Variants in CLASP1 observed in about 807,000 individuals in gnomAD.
The protein encoded by CLASP1 is cytoplasmic linker associated protein 1, also known as CLIP-associating protein 1.
A neutral mutation model predicts 192.3 loss-of-function variants in CLASP1; 38 were observed. That is an observed-to-expected ratio of 0.20 (90% CI 0.15 to 0.26). CLASP1 has a LOEUF of 0.26. Ranked by LOEUF, CLASP1 falls within the 10% of genes least tolerant of loss-of-function variation. CLASP1 has a pLI of 1.00. For synonymous variants in CLASP1, 691 were observed against 712.8 expected (o/e 0.97, Z 0.49); for missense variants, 1,433 against 1,932.5 (o/e 0.74, Z 4.85).
intron 7 of CLASP1, among the ~76,000 whole-genome samples, 194 bp downstream of exon 7, chr2:121,515,471 C>A (rs1253775590): frequency 2.0e-5 from 3 of 152,178 alleles, no homozygotes; most frequent in Non-Finnish European, 4.4e-5. Flanking sequence ...GAGAAACTCT[C>A]ATTTCTGAGG....
intron 1 of CLASP1, among the ~76,000 whole-genome samples, chr2:121,609,852 A>G (rs1194665602): frequency 6.6e-6 from 1 of 152,216 alleles, no homozygotes; most frequent in Non-Finnish European, 1.5e-5. Context: ...GAGGCAGGAG[A>G]ATCGCTTGAA....
At chr2:121,557,618 T>C (rs571313572) in intron 2 of CLASP1, among the ~76,000 whole-genome samples, 1 of 151,282 alleles carries the variant, frequency 6.6e-6, no homozygotes, top group East Asian at 2.0e-4. Context: ...CTATTAACAA[T>C]GGAGGGTGGA....
intron 19 of CLASP1, among the ~76,000 whole-genome samples, chr2:121,439,144 G>T (rs2082820836): frequency 6.6e-6 from 1 of 151,878 alleles, no homozygotes; most frequent in Non-Finnish European, 1.5e-5. Context: ...TTCTCTGATG[G>T]TAGTTTGTAT....
chr2:121,456,458 T>G (rs994944357), intron 14 of CLASP1, among the ~76,000 whole-genome samples: 2 of 137,738 alleles, frequency 1.5e-5, no homozygotes, highest in African/African-American at 2.8e-5. Context: ...CCAGCCTGGG[T>G]GAAAGAAAGA....
chr2:121,493,558 G>C (rs936119039), intron 8 of CLASP1, among the ~76,000 whole-genome samples: 3 of 152,058 alleles, frequency 2.0e-5, no homozygotes, highest in African/African-American at 7.2e-5. Flanking sequence ...AGAAAACATG[G>C]GGGAAACTCT....
chr2:121,430,162 C>T (rs1157573381), exon 20 of CLASP1: 1 of 1,569,034 alleles, frequency 6.4e-7, no homozygotes, highest in East Asian at 2.4e-5. Context: ...GCTTTGCCGT[C>T]TTGTGCGGAT....
At chr2:121,348,862 A>T (rs2149128870) in intron 37 of CLASP1, 144 bp from the exon 39 acceptor site, 2 of 757,832 alleles carry the variant, frequency 2.6e-6, no homozygotes, top group East Asian at 2.7e-5. Context: ...CAATTGTTAA[A>T]CACAGAGTGG....
At chr2:121,483,373 A>G (rs1183256613) in intron 8 of CLASP1, among the ~76,000 whole-genome samples, 3 of 152,202 alleles carry the variant, frequency 2.0e-5, no homozygotes, top group South Asian at 2.1e-4. Context: ...GAAGGAAAAA[A>G]TAAGTTCTTA....
chr2:121,386,574 A>T (rs750658261), intron 32 of CLASP1, among the ~76,000 whole-genome samples: 1 of 152,232 alleles, frequency 6.6e-6, no homozygotes, highest in Non-Finnish European at 1.5e-5. Context: ...CAGCTTCTAT[A>T]GGGCCAATAT....
intron 6 of CLASP1, among the ~76,000 whole-genome samples, chr2:121,520,045 T>C (rs2094423275): frequency 6.6e-6 from 1 of 152,200 alleles, no homozygotes. Flanking sequence ...GTCTTATATG[T>C]ATGCTTTACA....
chr2:121,620,507 G>A (rs1037147420), intron 1 of CLASP1, among the ~76,000 whole-genome samples: 13 of 151,890 alleles, frequency 8.6e-5, no homozygotes, highest in African/African-American at 2.9e-4. Context: ...GCGTCACCAC[G>A]CCCAGCTAAA....
intron 2 of CLASP1, among the ~76,000 whole-genome samples, chr2:121,594,431 T>C (rs988326631): frequency 2.0e-5 from 3 of 151,424 alleles, no homozygotes; most frequent in East Asian, 1.9e-4. Context: ...CTTGCTCTGT[T>C]GCCCAGGCTG....
intron 11 of CLASP1, among the ~76,000 whole-genome samples, chr2:121,460,780 T>C (rs1305380646): frequency 6.6e-6 from 1 of 152,104 alleles, no homozygotes; most frequent in Non-Finnish European, 1.5e-5. Context: ...ACACTAAAAA[T>C]GCCACAAAAA....
chr2:121,361,376 C>A (rs1165764172), intron 37 of CLASP1, among the ~76,000 whole-genome samples: 1 of 152,168 alleles, frequency 6.6e-6, no homozygotes, highest in East Asian at 1.9e-4. Flanking sequence ...TTTTTGATCA[C>A]GTATTCTCAT....
chr2:121,467,743 G>A (rs997457079), intron 9 of CLASP1, among the ~76,000 whole-genome samples: 5 of 152,168 alleles, frequency 3.3e-5, no homozygotes, highest in African/African-American at 1.2e-4. Context: ...CATTCTGTAG[G>A]TTGAGTGTTC....
At chr2:121,478,954 A>ACACAC (rs2092282092) in intron 8 of CLASP1, among the ~76,000 whole-genome samples, 1 of 29,284 alleles carries the variant, frequency 3.4e-5, no homozygotes, top group African/African-American at 1.4e-4. Context: ...CACACACCAC[A>ACACAC]CACACACACC....
At chr2:121,504,626 C>A (rs1383547991) in intron 7 of CLASP1, among the ~76,000 whole-genome samples, 2 of 152,136 alleles carry the variant, frequency 1.3e-5, no homozygotes, top group Non-Finnish European at 2.9e-5. Flanking sequence ...ACTTGAGTGC[C>A]CATTATGTGC....
intron 19 of CLASP1, among the ~76,000 whole-genome samples, chr2:121,441,072 A>T (rs2083254134): frequency 6.6e-6 from 1 of 152,112 alleles, no homozygotes; most frequent in Non-Finnish European, 1.5e-5. Flanking sequence ...AAGACTCCAA[A>T]CCAGGAGAAA....
intron 8 of CLASP1, among the ~76,000 whole-genome samples, chr2:121,484,757 A>G (rs552118309): frequency 6.6e-6 from 1 of 152,340 alleles, no homozygotes; most frequent in South Asian, 2.1e-4. Flanking sequence ...CTGAGTTCAT[A>G]AGTAAAGCAT....
Sources: gnomAD v4.1 joint callset for allele counts (sites outside exome capture counted in the v4.1 genomes callset) on GRCh38, gnomAD v4.1.1 for gene constraint, MANE v1.5 for transcripts, NCBI Gene and HGNC (gene_info 2026-07-23, HGNC 2026-07-21) for gene names.